The following SVIL variants were observed in gnomAD, a reference collection of about 807,000 sequenced individuals.
The protein encoded by SVIL is archvillin.
SVIL carries 101 observed loss-of-function variants against 240.4 expected under a neutral mutation model. The observed-to-expected ratio is 0.42, with a 90% CI of 0.36 to 0.50. The LOEUF (loss-of-function observed/expected upper bound fraction) is 0.50. SVIL is among the 20% of genes least tolerant of loss of function. The probability of loss-of-function intolerance (pLI) is 0.01; values close to 1 mark genes in which losing one functional copy is unlikely to be tolerated. For synonymous variants in SVIL, 999 were observed against 1,100.0 expected, an observed-to-expected ratio of 0.91 and a Z score of 1.82; for missense variants, 2,512 against 2,818.7, an observed-to-expected ratio of 0.89 and a Z score of 2.46.
At chr10:29,514,019 A>T (rs1950037806) in intron 16 of SVIL, among the ~76,000 whole-genome samples, 1 of 151,392 alleles carries the variant, frequency 6.6e-6, no homozygotes, top group Non-Finnish European at 1.5e-5. Flanking sequence ...CACTAAACTC[A>T]TTTGAGCCGA....
At chr10:29,496,409 T>G (rs1265978149) in intron 18 of SVIL, 1 of 455,970 alleles carries the variant, frequency 2.2e-6, no homozygotes, top group Admixed American at 2.4e-5. Flanking sequence ...GAAGGATGCT[T>G]AAGAGAAGAG....
At chr10:29,697,052 C>T (rs1291564643) in intron 1 of SVIL, among the ~76,000 whole-genome samples, 17 of 125,448 alleles carry the variant, frequency 1.4e-4, no homozygotes, top group African/African-American at 5.3e-4. Context: ...CCGCCCCGTC[C>T]GGGAGGTGAG....
At chr10:29,615,229 C>T (rs1245529458) in intron 1 of SVIL, among the ~76,000 whole-genome samples, 1 of 152,172 alleles carries the variant, frequency 6.6e-6, no homozygotes, top group African/African-American at 2.4e-5. Flanking sequence ...AAGGATTGAT[C>T]TTATCTCATT....
At chr10:29,550,564 G>A (rs115822094) in intron 6 of SVIL, 33 bp downstream of exon 6, 8 of 1,554,910 alleles carry the variant, frequency 5.1e-6, no homozygotes, top group Admixed American at 3.9e-5. Flanking sequence ...ATTGTCCTGC[G>A]TTCAGGGTGC....
At chr10:29,708,151 G>A (rs1054469919) in intron 1 of SVIL, among the ~76,000 whole-genome samples, 5 of 151,040 alleles carry the variant, frequency 3.3e-5, no homozygotes, top group South Asian at 4.2e-4. Flanking sequence ...CCAGCTACTC[G>A]GGAGGCTGAG....
intron 12 of SVIL, among the ~76,000 whole-genome samples, chr10:29,528,871 G>C (rs1263437881): frequency 1.3e-5 from 2 of 151,994 alleles, no homozygotes; most frequent in Non-Finnish European, 2.9e-5. Flanking sequence ...ACTTCCTATT[G>C]TTTGGAAAGT....
chr10:29,644,199 C>T (rs960132668), intron 3 of SVIL, among the ~76,000 whole-genome samples: 2 of 152,152 alleles, frequency 1.3e-5, no homozygotes, highest in Non-Finnish European at 2.9e-5. Flanking sequence ...ACCTGGGAGG[C>T]TCTTCCCTTC....
intron 2 of SVIL, among the ~76,000 whole-genome samples, chr10:29,684,807 A>C (rs1589510280): frequency 6.6e-6 from 1 of 152,256 alleles, no homozygotes; most frequent in Non-Finnish European, 1.5e-5. Context: ...TGTCAAAGGG[A>C]TAAAATACTG....
intron 18 of SVIL, among the ~76,000 whole-genome samples, chr10:29,495,527 T>C (rs982329106): frequency 2.0e-5 from 3 of 152,116 alleles, no homozygotes; most frequent in African/African-American, 7.2e-5. Flanking sequence ...TGAGAGTGCA[T>C]TGGTGCCATC....
chr10:29,489,595 T>A (rs1947756236), intron 22 of SVIL, among the ~76,000 whole-genome samples: 1 of 152,218 alleles, frequency 6.6e-6, no homozygotes, highest in South Asian at 2.1e-4. Flanking sequence ...TCGCCCAGCC[T>A]GGAGTGCAGT....
At chr10:29,545,494 G>A (rs1339564360) in intron 6 of SVIL, among the ~76,000 whole-genome samples, 2 of 152,096 alleles carry the variant, frequency 1.3e-5, no homozygotes, top group African/African-American at 4.8e-5. Context: ...AGTGGTGAGG[G>A]GCTGCAGTAC....
Position 29,469,719 on chromosome 10 carries a change from G to A in SVIL, c.5843+557C>T, listed in dbSNP as rs117873318. Among the ~76,000 whole-genome samples the A allele has an allele frequency of 2.6e-4, 40 of 152,296 alleles. No homozygotes were observed. In the East Asian group the frequency reaches 6.4e-3, roughly 24 times the overall value. On this transcript the variant is annotated intron_variant, in intron 32 of 37. Transcript: ENST00000355867. Reference sequence around the variant, plus strand: ...TGCTGAGTCTTTGCAAGTGGCCAACGGCAGGTGCCTGCCTGGGAGGGGAAC... The same window carrying A: ...TGCTGAGTCTTTGCAAGTGGCCAACAGCAGGTGCCTGCCTGGGAGGGGAAC...
rs16930474 is a variant in SVIL, at chr10:29,620,588, G to C, written c.-201+13832C>G. On this transcript the variant is annotated intron_variant, in intron 1 of 37. Coordinates refer to ENST00000355867, the MANE Select transcript of SVIL (RefSeq NM_021738.3). ...ACTTGTGTATTCATCTACTCTTGAT[G>C]CTAGGGTTAAGCAGGGGAAGTGAGG... Among the ~76,000 whole-genome samples, 1,166 of 152,306 alleles carry C rather than the reference G, an allele frequency of 7.7e-3. 10 individuals are homozygous for C. The highest frequency in any genetic ancestry group is 0.023 in the African/African-American group (959 of 41,570).
chr10:29,616,245 C>T (rs983982152), intron 1 of SVIL, among the ~76,000 whole-genome samples: 2 of 152,138 alleles, frequency 1.3e-5, no homozygotes, highest in Non-Finnish European at 2.9e-5. Flanking sequence ...CCATGTTGCA[C>T]GGGCTGGTCT....
intron 2 of SVIL, among the ~76,000 whole-genome samples, chr10:29,670,013 G>A (rs552908741): frequency 6.6e-6 from 1 of 151,952 alleles, no homozygotes; most frequent in Non-Finnish European, 1.5e-5. Context: ...CACCTGGGAG[G>A]CTGAGCAGGG....
chr10:29,644,098 T>C, intron 3 of SVIL: 1 of 475,946 alleles, frequency 2.1e-6, no homozygotes, highest in Non-Finnish European at 4.2e-6. Flanking sequence ...CTGTCTGCTG[T>C]CAAGCAGCAG....
intron 29 of SVIL, 60 bp from the exon 30 acceptor site, chr10:29,474,049 A>G: frequency 6.3e-7 from 1 of 1,584,050 alleles, no homozygotes. Flanking sequence ...GGAGAAGCAA[A>G]TGTCTGGCTC....
intron 16 of SVIL, among the ~76,000 whole-genome samples, chr10:29,517,090 G>A (rs1391714662): frequency 6.6e-6 from 1 of 152,118 alleles, no homozygotes; most frequent in Non-Finnish European, 1.5e-5. Context: ...GAACTAAAGT[G>A]TCTTTTAAAT....
chr10:29,618,099 G>A (rs1476107799), intron 1 of SVIL, among the ~76,000 whole-genome samples: 1 of 152,166 alleles, frequency 6.6e-6, no homozygotes, highest in East Asian at 1.9e-4. Flanking sequence ...GCTTGCTGAC[G>A]CAGGCAGCAG....
Sources: allele counts gnomAD v4.1 joint callset (sites outside exome capture counted in the v4.1 genomes callset), GRCh38; gene constraint gnomAD v4.1.1; transcripts MANE v1.5; gene names NCBI Gene and HGNC (gene_info 2026-07-23, HGNC 2026-07-21).